The following TRPS1 variants were observed in gnomAD, a reference collection of about 807,000 sequenced individuals.
The protein encoded by TRPS1 is zinc finger transcription factor Trps1.
A neutral mutation model predicts 101.2 loss-of-function variants in TRPS1; 6 were observed. The ratio of observed to expected loss-of-function variants is 0.06; its 90% CI spans 0.03 to 0.12. The LOEUF is 0.12. Among genes scored for constraint, TRPS1 ranks in the 10% least tolerant of loss-of-function variants. TRPS1 has a pLI of 1.00. For missense variants in TRPS1, 1,363 were observed against 1,567.0 expected, an observed-to-expected ratio of 0.87 and a Z score of 2.20; for synonymous variants, 578 against 589.8, an observed-to-expected ratio of 0.98 and a Z score of 0.29.
chr8:115,587,654 T>C (rs1817597253), intron 4 of TRPS1, 50 bp from the exon 5 acceptor site: 1 of 1,611,814 alleles, frequency 6.2e-7, no homozygotes, highest in African/African-American at 1.3e-5. Context: ...TGAAGGGTTG[T>C]TTTATTTTTA....
rs1563648493 is a variant in TRPS1 at position 115,619,523 on chromosome 8, G to T, written c.575C>A (p.Pro192Gln). 1 of 1,614,146 alleles carries T rather than the reference G, an allele frequency of 6.2e-7. No individual in the cohort carries two copies. Among genetic ancestry groups the T allele is most frequent in the Non-Finnish European group, 8.5e-7 (1 of 1,180,038 alleles). ...TGGGTTTTTTGAGGCCACTGAAACTGGGCTCAAACCTTGACAATTGGCTTG... is the reference window on the plus strand; with the variant it reads ...TGGGTTTTTTGAGGCCACTGAAACTTGGCTCAAACCTTGACAATTGGCTTG... ...SGQANCQGLS[P>Q]VSVASKNPQV... Residue 192 changes from proline (P) to glutamine (Q), a missense_variant, in exon 3 of 7, where the codon CCA becomes CAA. Coordinates refer to ENST00000395715, the MANE Select transcript of TRPS1 (RefSeq NM_014112.5).
intron 5 of TRPS1, among the ~76,000 whole-genome samples, chr8:115,471,147 T>C (rs905474995): frequency 1.3e-5 from 2 of 152,290 alleles, no homozygotes; most frequent in African/African-American, 4.8e-5. Flanking sequence ...CCTCAGGCTG[T>C]AGGGTATTGT....
intron 5 of TRPS1, among the ~76,000 whole-genome samples, chr8:115,499,666 T>C (rs1163439981): frequency 1.3e-5 from 2 of 152,240 alleles, no homozygotes; most frequent in East Asian, 3.8e-4. Flanking sequence ...ATGTCTCTAG[T>C]AATGGAATTG....
At chr8:115,647,001 TGTTTTTTG>T (rs1241798341) in intron 1 of TRPS1, among the ~76,000 whole-genome samples, 7 of 142,434 alleles carry the variant, frequency 4.9e-5, no homozygotes, top group Non-Finnish European at 1.1e-4. Context: ...TTCCTTATGT[TGTTTTTTG>T]TTTATTTATT....
intron 5 of TRPS1, among the ~76,000 whole-genome samples, chr8:115,446,575 CT>C (rs757424614): frequency 5.3e-5 from 8 of 152,130 alleles, no homozygotes; most frequent in Non-Finnish European, 5.9e-5. Context: ...ATTCTTAGTT[CT>C]CCACTCTTGG....
chr8:115,666,956 T>A (rs1811936000), intron 1 of TRPS1, among the ~76,000 whole-genome samples: 1 of 152,170 alleles, frequency 6.6e-6, no homozygotes, highest in African/African-American at 2.4e-5. Flanking sequence ...CAGATTTAAC[T>A]CCTCCGCTGA....
At chr8:115,648,692 A>ATTT (rs1379271547) in intron 1 of TRPS1, among the ~76,000 whole-genome samples, 1 of 122,026 alleles carries the variant, frequency 8.2e-6, no homozygotes, top group African/African-American at 4.1e-5. Flanking sequence ...CCTTATTATT[A>ATTT]TTATTTTATT....
chr8:115,551,063 C>T (rs1357495704), intron 5 of TRPS1, among the ~76,000 whole-genome samples: 2 of 152,158 alleles, frequency 1.3e-5, no homozygotes, highest in Non-Finnish European at 2.9e-5. Context: ...ACATGCATCC[C>T]TCCAGCCAAA....
chr8:115,632,808 G>C (rs1818677012), intron 1 of TRPS1, among the ~76,000 whole-genome samples: 1 of 152,100 alleles, frequency 6.6e-6, no homozygotes, highest in Non-Finnish European at 1.5e-5. Context: ...GCAGTCAGGA[G>C]AGTGACTGAT....
intron 3 of TRPS1, among the ~76,000 whole-genome samples, chr8:115,608,531 C>G (rs1455420766): frequency 6.6e-6 from 1 of 152,132 alleles, no homozygotes; most frequent in African/African-American, 2.4e-5. Context: ...AGGAAGTTCT[C>G]TAGCTCAAGT....
intron 1 of TRPS1, among the ~76,000 whole-genome samples, chr8:115,625,180 T>C (rs1293931969): frequency 6.6e-6 from 1 of 151,910 alleles, no homozygotes; most frequent in Non-Finnish European, 1.5e-5. Flanking sequence ...CTATATTCTT[T>C]GTAGTATCTT....
intron 5 of TRPS1, among the ~76,000 whole-genome samples, chr8:115,583,255 T>A (rs1217159103): frequency 8.1e-6 from 1 of 123,988 alleles, no homozygotes; most frequent in Non-Finnish European, 1.6e-5. Flanking sequence ...AATACCTTTG[T>A]GTAGATGTAC....
intron 5 of TRPS1, among the ~76,000 whole-genome samples, chr8:115,516,521 A>G (rs1278676939): frequency 1.3e-5 from 2 of 151,670 alleles, no homozygotes; most frequent in Non-Finnish European, 3.0e-5. Flanking sequence ...TGATACATAT[A>G]TATAACTCTA....
chr8:115,444,836 A>G (rs148229656), intron 5 of TRPS1, among the ~76,000 whole-genome samples: 22 of 152,324 alleles, frequency 1.4e-4, no homozygotes, highest in Middle Eastern at 3.4e-3. Context: ...TTAGTCACCA[A>G]GTCCTGTAGA....
chr8:115,611,400 A>C (rs1818160830), intron 3 of TRPS1, among the ~76,000 whole-genome samples: 1 of 152,232 alleles, frequency 6.6e-6, no homozygotes, highest in African/African-American at 2.4e-5. Context: ...CACATCTACT[A>C]TGTGCCAAGC....
At position 115,442,546 on chromosome 8, in the gene TRPS1, G is replaced by GGTGC. The variant is rs1270639094; in HGVS notation, c.2701-24098_2701-24095dup. Among the ~76,000 whole-genome samples the GGTGC allele has an allele frequency of 7.1e-3, 940 of 132,384 alleles. 9 individuals are homozygous for GGTGC. Among genetic ancestry groups the GGTGC allele is most frequent in the African/African-American group, 0.023 (767 of 32,756 alleles). The allele number at this position is 132,384 out of a possible 152,430, so 86.8% of individuals were successfully genotyped here. Reference sequence around the variant, plus strand: ...ATCTGGGTAGCAAGCATCCAAGTATGGTGCGTGTGTGTGTGTGTGTGTGTG... The same window carrying GGTGC: ...ATCTGGGTAGCAAGCATCCAAGTATGGTGCGTGCGTGTGTGTGTGTGTGTGTGTG... On this transcript the variant is annotated intron_variant, in intron 5 of 6. Coordinates refer to ENST00000395715, the MANE Select transcript of TRPS1 (RefSeq NM_014112.5).
intron 1 of TRPS1, among the ~76,000 whole-genome samples, chr8:115,630,454 C>T (rs747790837): frequency 2.6e-5 from 4 of 151,800 alleles, no homozygotes; most frequent in South Asian, 2.1e-4. Flanking sequence ...TGTTGTGGAC[C>T]CCTATCATAA....
At chr8:115,461,251 GGATAGATAGATAGATAGATA>G (rs67435707) in intron 5 of TRPS1, among the ~76,000 whole-genome samples, 43 of 144,842 alleles carry the variant, frequency 3.0e-4, no homozygotes, top group Non-Finnish European at 4.8e-4. Flanking sequence ...AAATAGACAA[GGATAGATAGATAGATAGATA>G]GATAGATAGA....
rs779974889 is a variant in TRPS1, at chr8:115,604,816, C to A, written c.1153G>T (p.Ala385Ser). ...TTAGAGTTTTTCTCTGAAGGTTTTGCAACCTCAGAGGAGGGGAGAGAAGCT... is the reference window on the plus strand; with the variant it reads ...TTAGAGTTTTTCTCTGAAGGTTTTGAAACCTCAGAGGAGGGGAGAGAAGCT... ...IKASLPSSEV[A>S]KPSEKNSNKS... The change falls in exon 4 of 7, where the codon GCA (alanine) becomes TCA (serine). Residue 385 changes from alanine (A) to serine (S), a missense_variant. By Grantham distance (99) the Ala-to-Ser change is moderately conservative. Around this residue, in one of 5 missense-constraint regions of TRPS1, gnomAD observed 1,020 missense variants for 1,073.0 expected, o/e 0.95. Coordinates refer to ENST00000395715, the MANE Select transcript of TRPS1 (RefSeq NM_014112.5). This position sits in a 1 kb window ranked among gnomAD's most constrained non-coding sequence, Gnocchi z 4.1. The A allele has an allele frequency of 6.2e-7, 1 of 1,613,890 alleles. No individual in the cohort carries two copies. The highest frequency in any genetic ancestry group is 1.3e-5 in the African/African-American group (1 of 74,894).
Sources: gnomAD v4.1 joint callset for allele counts (sites outside exome capture counted in the v4.1 genomes callset) on GRCh38, gnomAD v4.1.1 for gene constraint, gnomAD v4.1.1 regional missense constraint, Gnocchi (gnomAD v3.1) non-coding constraint, MANE v1.5 for transcripts, NCBI Gene and HGNC (gene_info 2026-07-23, HGNC 2026-07-21) for gene names.